SHISA9: variants seen among roughly 807,000 people sequenced by gnomAD.
SHISA9 encodes the protein shisa family member 9.
A neutral mutation model predicts 38.0 loss-of-function variants in SHISA9; 13 were observed. The observed-to-expected ratio is 0.34, with a 90% CI of 0.22 to 0.54. SHISA9 has a LOEUF of 0.54. SHISA9 is among the 20% of genes least tolerant of loss of function. The probability of loss-of-function intolerance (pLI) is 0.91; values close to 1 mark genes in which losing one functional copy is unlikely to be tolerated. For missense variants in SHISA9, 538 were observed against 575.8 expected (o/e 0.93, Z 0.67); for synonymous variants, 275 against 242.0 (o/e 1.14, Z -1.27).
the SHISA9 span, among the ~76,000 whole-genome samples, chr16:13,557,551 C>G: frequency 6.6e-6 from 1 of 152,160 alleles, no homozygotes; most frequent in African/African-American, 2.4e-5. Flanking sequence ...GTCCGGGAGA[C>G]AACTCCAGGC....
At chr16:13,319,033 T>C in the SHISA9 span, among the ~76,000 whole-genome samples, 2 of 152,230 alleles carry the variant, frequency 1.3e-5, no homozygotes, top group African/African-American at 4.8e-5. Context: ...TGAGAGAGTC[T>C]CACTCTGTCG....
chr16:13,436,376 G>C, the SHISA9 span, among the ~76,000 whole-genome samples: 64 of 152,262 alleles, frequency 4.2e-4, no homozygotes, highest in African/African-American at 1.5e-3. Context: ...CCAGTGCCAG[G>C]GAAGTTTAAA....
intron 2 of SHISA9, among the ~76,000 whole-genome samples, chr16:13,146,120 G>A (rs1159166711): frequency 6.6e-6 from 1 of 152,216 alleles, no homozygotes. Context: ...AACCCGGGAG[G>A]GGAAGGTTGC....
intron 2 of SHISA9, among the ~76,000 whole-genome samples, chr16:13,185,659 T>C (rs931848920): frequency 6.6e-6 from 1 of 152,190 alleles, no homozygotes. Context: ...TTTACCTGTT[T>C]CCCTCACTGG....
chr16:12,983,700 G>C (rs2072270593), intron 2 of SHISA9, among the ~76,000 whole-genome samples: 1 of 152,176 alleles, frequency 6.6e-6, no homozygotes, highest in Admixed American at 6.5e-5. Flanking sequence ...ATGTTAGCCA[G>C]GATGGTCTCG....
intron 2 of SHISA9, among the ~76,000 whole-genome samples, chr16:13,174,102 C>T (rs1209862936): frequency 6.6e-6 from 1 of 152,170 alleles, no homozygotes; most frequent in Non-Finnish European, 1.5e-5. Flanking sequence ...ACTGGTTGAT[C>T]TCCAAGGTCT....
At chr16:13,496,662 T>C in the SHISA9 span, among the ~76,000 whole-genome samples, 8 of 152,244 alleles carry the variant, frequency 5.3e-5, no homozygotes, top group African/African-American at 1.9e-4. Context: ...GAAACAATAA[T>C]TATCGTCTGG....
At chr16:13,261,924 G>A in the SHISA9 span, among the ~76,000 whole-genome samples, 31 of 152,334 alleles carry the variant, frequency 2.0e-4, no homozygotes, top group East Asian at 5.6e-3. Flanking sequence ...CTGTGGCTGA[G>A]GATATCAGTA....
chr16:13,386,086 C>T, the SHISA9 span, among the ~76,000 whole-genome samples: 1 of 152,076 alleles, frequency 6.6e-6, no homozygotes, highest in South Asian at 2.1e-4. Context: ...ATATATGAAC[C>T]TACACATAAT....
At chr16:13,108,730 G>T (rs981156102) in intron 2 of SHISA9, among the ~76,000 whole-genome samples, 1 of 152,124 alleles carries the variant, frequency 6.6e-6, no homozygotes, top group African/African-American at 2.4e-5. Flanking sequence ...TTTTACCATT[G>T]GGGGAAATAT....
chr16:13,247,931 G>A, the SHISA9 span, among the ~76,000 whole-genome samples: 4 of 152,158 alleles, frequency 2.6e-5, no homozygotes, highest in Non-Finnish European at 5.9e-5. Flanking sequence ...CTCTAAAGAG[G>A]CAATTTACAA....
intron 2 of SHISA9, among the ~76,000 whole-genome samples, chr16:12,970,838 A>C (rs2072072085): frequency 6.6e-6 from 1 of 151,894 alleles, no homozygotes; most frequent in Non-Finnish European, 1.5e-5. Context: ...CATATGTTTT[A>C]AAGTGGGTTC....
At chr16:13,176,497 C>G (rs1049514766) in intron 2 of SHISA9, among the ~76,000 whole-genome samples, 1 of 152,218 alleles carries the variant, frequency 6.6e-6, no homozygotes, top group Non-Finnish European at 1.5e-5. Context: ...TGCCACCACT[C>G]TTGTGTTTGA....
chr16:13,371,482 G>A, the SHISA9 span, among the ~76,000 whole-genome samples: 3 of 152,268 alleles, frequency 2.0e-5, no homozygotes, highest in East Asian at 3.9e-4. Context: ...CATTTGATGT[G>A]GGGTGGAGCC....
At chr16:13,341,159 G>C in the SHISA9 span, among the ~76,000 whole-genome samples, 2 of 152,162 alleles carry the variant, frequency 1.3e-5, no homozygotes, top group Non-Finnish European at 2.9e-5. Flanking sequence ...GCCCATTGTA[G>C]ATACTCAATA....
At chr16:13,271,522 C>T in the SHISA9 span, among the ~76,000 whole-genome samples, 1 of 152,118 alleles carries the variant, frequency 6.6e-6, no homozygotes, top group South Asian at 2.1e-4. Flanking sequence ...ACAAAACATT[C>T]TATATCCCTA....
the SHISA9 span, among the ~76,000 whole-genome samples, chr16:13,444,810 T>TCTTCCCTTCC: frequency 2.7e-5 from 4 of 149,314 alleles, no homozygotes; most frequent in East Asian, 4.0e-4. Context: ...CTTCCCTCCA[T>TCTTCCCTTCC]CTTCCCTTCC....
the SHISA9 span, among the ~76,000 whole-genome samples, chr16:13,317,998 G>GTTT: frequency 0.098 from 14,398 of 146,602 alleles, 777 homozygotes; most frequent in South Asian, 0.23. Context: ...CAAATGCCTT[G>GTTT]TTTTTTTTTT....
At chr16:13,110,268 C>T (rs1303618497) in intron 2 of SHISA9, among the ~76,000 whole-genome samples, 1 of 152,180 alleles carries the variant, frequency 6.6e-6, no homozygotes, top group Non-Finnish European at 1.5e-5. Context: ...GCCAAGCCTC[C>T]CATTCCTGCC....
Sources: gnomAD v4.1 joint callset for allele counts (sites outside exome capture counted in the v4.1 genomes callset) on GRCh38, gnomAD v4.1.1 for gene constraint, MANE v1.5 for transcripts, NCBI Gene and HGNC (gene_info 2026-07-23, HGNC 2026-07-21) for gene names.